The following MEI4 variants were observed in gnomAD, a reference collection of about 807,000 sequenced individuals.
The protein encoded by MEI4 is meiotic double-stranded break formation protein 4, also known as meiosis-specific protein MEI4.
Under a neutral mutation model 31.4 loss-of-function variants are expected in MEI4, and 27 were observed. That is an observed-to-expected ratio of 0.86 (90% confidence interval 0.63 to 1.19). The LOEUF (loss-of-function observed/expected upper bound fraction) is 1.19, where lower values mean the gene tolerates loss of function less well. MEI4 is among the 50% of genes most tolerant of loss of function. The probability of loss-of-function intolerance (pLI) is 0.00; values close to 1 mark genes in which losing one functional copy is unlikely to be tolerated. For synonymous variants in MEI4, 122 were observed against 145.4 expected (o/e 0.84, Z 1.16); for missense variants, 329 against 398.9 (o/e 0.82, Z 1.49).
chr6:77,792,056 T>C (rs74932400), intron 3 of MEI4, among the ~76,000 whole-genome samples: 2,188 of 152,312 alleles, frequency 0.014, 55 homozygotes, highest in African/African-American at 0.05. Flanking sequence ...TGTCTTTTTG[T>C]GCCTTGGTTA....
intron 2 of MEI4, among the ~76,000 whole-genome samples, chr6:77,736,384 G>A (rs928873158): frequency 3.9e-5 from 6 of 152,122 alleles, no homozygotes; most frequent in East Asian, 1.9e-4. Flanking sequence ...TTGGGTGGGA[G>A]TGACCCGATT....
At chr6:77,892,916 T>G (rs1207967436) in intron 4 of MEI4, among the ~76,000 whole-genome samples, 3 of 150,704 alleles carry the variant, frequency 2.0e-5, no homozygotes, top group Non-Finnish European at 4.4e-5. Context: ...TTGTGTAGAT[T>G]CCAGGAAACT....
At chr6:77,881,789 A>C (rs1771496028) in intron 4 of MEI4, among the ~76,000 whole-genome samples, 1 of 152,244 alleles carries the variant, frequency 6.6e-6, no homozygotes, top group South Asian at 2.1e-4. Flanking sequence ...ATTATATGAC[A>C]TAATGAAAGT....
Position 77,870,307 on chromosome 6 carries a change from C to T in MEI4, c.900+41245C>T, listed in dbSNP as rs117172086. Among the ~76,000 whole-genome samples the T allele has an allele frequency of 7.9e-3, 1,200 of 152,212 alleles. 9 individuals carry two copies. Among genetic ancestry groups the T allele is most frequent in the Non-Finnish European group, 0.012 (788 of 68,016 alleles). On this transcript the variant is annotated intron_variant, in intron 4 of 4. Transcript: ENST00000684080. The stretch of plus-strand genomic sequence containing the variant: ...TAAAAAACAGATATGCCAAAGTGGA[C>T]TCTGTTGCCAGATATTTTACTAAAC...
At chr6:77,731,744 G>C (rs965630173) in intron 2 of MEI4, among the ~76,000 whole-genome samples, 1 of 151,664 alleles carries the variant, frequency 6.6e-6, no homozygotes, top group Non-Finnish European at 1.5e-5. Flanking sequence ...TTTTCTTCTA[G>C]GGTTTTTATG....
chr6:77,731,452 T>C (rs1385183892), intron 2 of MEI4, among the ~76,000 whole-genome samples: 3 of 151,084 alleles, frequency 2.0e-5, no homozygotes, highest in African/African-American at 7.3e-5. Flanking sequence ...GTTCATGTCC[T>C]TTGCCCACTT....
At chr6:77,776,963 C>T (rs1404952978) in intron 3 of MEI4, among the ~76,000 whole-genome samples, 1 of 152,008 alleles carries the variant, frequency 6.6e-6, no homozygotes, top group Non-Finnish European at 1.5e-5. Context: ...TGTAGTAGTC[C>T]AGGTGAGAGT....
intron 3 of MEI4, among the ~76,000 whole-genome samples, chr6:77,777,600 C>G (rs1268994090): frequency 6.6e-6 from 1 of 152,124 alleles, no homozygotes; most frequent in East Asian, 1.9e-4. Flanking sequence ...CCAAATCATC[C>G]TACACTAAAG....
intron 3 of MEI4, among the ~76,000 whole-genome samples, chr6:77,819,164 G>C (rs1051751148): frequency 6.6e-6 from 1 of 152,066 alleles, no homozygotes; most frequent in Non-Finnish European, 1.5e-5. Context: ...TGGTTATTTT[G>C]GGGTAGAGAA....
intron 2 of MEI4, among the ~76,000 whole-genome samples, chr6:77,758,693 CAGTGG>C (rs1767970786): frequency 6.6e-6 from 1 of 152,170 alleles, no homozygotes; most frequent in Non-Finnish European, 1.5e-5. Flanking sequence ...CCAGCCCATC[CAGTGG>C]GTCCTTAACT....
At chr6:77,733,574 A>G (rs1376965294) in intron 2 of MEI4, among the ~76,000 whole-genome samples, 1 of 151,900 alleles carries the variant, frequency 6.6e-6, no homozygotes, top group Non-Finnish European at 1.5e-5. Context: ...ATTTCAAAAA[A>G]CCAGCTCCTG....
At chr6:77,790,751 T>G (rs983572823) in intron 3 of MEI4, among the ~76,000 whole-genome samples, 1 of 152,090 alleles carries the variant, frequency 6.6e-6, no homozygotes, top group African/African-American at 2.4e-5. Context: ...ATATATTTAA[T>G]TTTTAAGTCA....
intron 4 of MEI4, among the ~76,000 whole-genome samples, chr6:77,907,286 C>T (rs1201153925): frequency 6.6e-6 from 1 of 152,068 alleles, no homozygotes; most frequent in Admixed American, 6.6e-5. Flanking sequence ...ATCCCTTCCC[C>T]CTCCCCGCAC....
intron 4 of MEI4, among the ~76,000 whole-genome samples, chr6:77,833,390 A>G (rs1011226607): frequency 4.6e-5 from 7 of 152,134 alleles, no homozygotes; most frequent in African/African-American, 1.2e-4. Context: ...AAATTTTTAT[A>G]TGAATTTTAT....
At chr6:77,864,939 G>A (rs1267261283) in intron 4 of MEI4, among the ~76,000 whole-genome samples, 13 of 152,082 alleles carry the variant, frequency 8.5e-5, no homozygotes, top group East Asian at 1.9e-4. Flanking sequence ...ACTCAAAACC[G>A]CTCAACTACA....
chr6:77,872,930 A>G lies in MEI4; in HGVS notation c.900+43868A>G, dbSNP rs545121314. Among the ~76,000 whole-genome samples the G allele has an allele frequency of 9.1e-4, 138 of 151,412 alleles. 3 individuals are homozygous for G. In the East Asian group the frequency reaches 0.021, roughly 23 times the overall value. ...TGAACTCATCATTTTTTATGGCTGC[A>G]TAGTATTCCATGGTGTATATGTGCC... is the stretch of plus-strand genomic sequence containing the variant. On this transcript the variant is annotated intron_variant, in intron 4 of 4. Coordinates refer to ENST00000684080, the MANE Select transcript of MEI4 (RefSeq NM_001322247.2).
At chr6:77,802,178 T>C (rs546682647) in intron 3 of MEI4, among the ~76,000 whole-genome samples, 3 of 152,274 alleles carry the variant, frequency 2.0e-5, no homozygotes, top group South Asian at 2.1e-4. Flanking sequence ...TATATAGTTA[T>C]GATAGTTAGC....
Position 77,669,138 on chromosome 6 carries a change from A to G in MEI4, c.-15+16046A>G, listed in dbSNP as rs1432981629. On this transcript the variant is annotated intron_variant, in intron 1 of 4. Transcript: ENST00000684080. The stretch of plus-strand genomic sequence containing the variant: ...TACTTGCCCCCATTAATAAATGTCT[A>G]TAATCATTTTATTTATTAAGATTTA... Among the ~76,000 whole-genome samples, 3 of 152,292 alleles carry G rather than the reference A, an allele frequency of 2.0e-5. No homozygotes were observed. In the South Asian group the frequency reaches 6.2e-4, roughly 32 times the overall value.
chr6:77,827,089 G>A (rs536214009), intron 3 of MEI4, among the ~76,000 whole-genome samples: 40 of 152,078 alleles, frequency 2.6e-4, no homozygotes, highest in South Asian at 6.2e-4. Flanking sequence ...GGCCGGGCGC[G>A]GTGGCTCACA....
Sources: allele counts gnomAD v4.1 joint callset (sites outside exome capture counted in the v4.1 genomes callset), GRCh38; gene constraint gnomAD v4.1.1; transcripts MANE v1.5; gene names NCBI Gene and HGNC (gene_info 2026-07-23, HGNC 2026-07-21).